KRT32: variants seen among roughly 807,000 people sequenced by gnomAD.
KRT32 encodes keratin 32, also known as keratin, type I cuticular Ha2.
A neutral mutation model predicts 41.8 loss-of-function variants in KRT32; 44 were observed. That is an observed-to-expected ratio of 1.05 (90% CI 0.83 to 1.35). The LOEUF (loss-of-function observed/expected upper bound fraction) is 1.35. KRT32 is among the 40% of genes most tolerant of loss of function. KRT32 has a pLI of 0.00. For synonymous variants in KRT32, 238 were observed against 242.5 expected (o/e 0.98, Z 0.17); for missense variants, 576 against 584.6 (o/e 0.99, Z 0.15).
At position 41,467,289 on chromosome 17, in the gene KRT32, C is replaced by T. The variant is rs756584442; in HGVS notation, c.37G>A (p.Ala13Thr). The T allele has an allele frequency of 1.9e-6, 3 of 1,612,392 alleles. No individual in the cohort carries two copies. The highest frequency in any genetic ancestry group is 1.1e-5 in the South Asian group (1 of 91,004). Reference sequence around the variant, plus strand: ...GGCCGGGGGCAGCTCTTGAGAGAGGCTTGCAAGTTGTTGGTGACACAGCAG... The same window carrying T: ...GGCCGGGGGCAGCTCTTGAGAGAGGTTTGCAAGTTGTTGGTGACACAGCAG... ...SSCCVTNNLQ[A>T]SLKSCPRPAS... is the part of the protein sequence containing the mutation. Residue 13 changes from alanine (A) to threonine (T), a missense_variant, in exon 1 of 7, where the codon GCC (alanine) becomes ACC (threonine). Coordinates refer to ENST00000225899, the MANE Select transcript of KRT32 (RefSeq NM_002278.3).
In KRT32 at chr17:41,467,013, C is replaced by T. The variant is rs746577723; in HGVS notation, c.313G>A (p.Asp105Asn). ...NEKETMQFLN[D>N]RLASYLTRVR... Reference sequence around the variant, plus strand: ...CTCGTCAGGTAGCTGGCCAGGCGGTCGTTAAGGAACTGCATGGTTTCCTTC... The same window carrying T: ...CTCGTCAGGTAGCTGGCCAGGCGGTTGTTAAGGAACTGCATGGTTTCCTTC... Residue 105 changes from aspartate (D) to asparagine (N), a missense_variant, in exon 1 of 7, where the codon GAC (aspartate) becomes AAC (asparagine). Physicochemically the swap from Asp to Asn is conservative, Grantham distance 23. Transcript: ENST00000225899. The T allele has an allele frequency of 2.5e-6, 4 of 1,614,240 alleles. No homozygotes were observed. The highest frequency in any genetic ancestry group is 3.4e-6 in the Non-Finnish European group (4 of 1,180,050).
At position 41,460,184 on chromosome 17, in the gene KRT32, A is replaced by G. The variant is rs2018986467; in HGVS notation, c.1273T>C (p.Cys425Arg). 6.2e-7 allele frequency: 1 copy of G among 1,612,690 alleles called. No homozygotes were observed. The highest frequency in any genetic ancestry group is 8.5e-7 in the Non-Finnish European group (1 of 1,179,422). ...PSCTTCVPSP[C>R]VPRTVCVPRT... The stretch of plus-strand genomic sequence containing the variant: ...GGCACACAGACGGTGCGGGGCACGC[A>G]TGGGGAGGGCACACAGGTGGTGCAG... The change falls in exon 7 of 7, where the codon TGC becomes CGC. Residue 425 changes from cysteine to arginine, a missense_variant. Cys to Arg is a radical substitution (Grantham distance 180). Transcript: ENST00000225899.
chr17:41,464,389 C>T lies in KRT32; in HGVS notation c.763G>A (p.Ala255Thr), dbSNP rs146792525. The T allele has an allele frequency of 1.1e-3, 1,820 of 1,607,636 alleles. 14 individuals carry two copies. In the African/African-American group the frequency reaches 0.021, roughly 18 times the overall value. The change falls in exon 4 of 7, where the codon GCT becomes ACT. Residue 255 changes from alanine (A) to threonine (T), a missense_variant. Coordinates refer to ENST00000225899, the MANE Select transcript of KRT32 (RefSeq NM_002278.3). ...CTGGTCAGGTCCACCGGGGGTGCAG[C>T]GTCCACCTCGATGTTAAGGCGGTCC... is the stretch of plus-strand genomic sequence containing the variant. ...LGDRLNIEVD[A>T]APPVDLTRVL...
At chr17:41,465,726 TC>T (rs2019058744) in intron 3 of KRT32, 46 bp downstream of exon 3, 4 of 1,580,886 alleles carry the variant, frequency 2.5e-6, no homozygotes, top group Admixed American at 1.7e-5. Flanking sequence ...CCCACGTTCC[TC>T]CCCCTCTGCT....
chr17:41,465,316 T>C (rs62065181), intron 3 of KRT32, among the ~76,000 whole-genome samples: 31,376 of 151,862 alleles, frequency 0.21, 3,926 homozygotes, highest in South Asian at 0.33. Context: ...CTTCTGAGAG[T>C]TGAGCCAGGC....
At chr17:41,464,028 C>T (rs1165094047) in intron 5 of KRT32, 50 bp downstream of exon 5, 1 of 1,490,244 alleles carries the variant, frequency 6.7e-7, no homozygotes, top group African/African-American at 1.4e-5. Flanking sequence ...CACCTATGCT[C>T]AGTACCGCCT....
Position 41,462,971 on chromosome 17 carries a change from G to T in KRT32, c.1076C>A (p.Thr359Asn), listed in dbSNP as rs766933747. ...SQLAQMQCMI[T>N]NVEAQLAEIR... ...CTCAGCCAGCTGGGCCTCAACGTTG[G>T]TGATCATGCACTGCATCTGGGCCAG... The change falls in exon 6 of 7, where the codon ACC (threonine) becomes AAC (asparagine). Residue 359 changes from threonine (T) to asparagine (N), a missense_variant. By Grantham distance (65) the Thr-to-Asn change is moderately conservative. Transcript: ENST00000225899. The T allele has an allele frequency of 1.2e-6, 2 of 1,613,912 alleles. No individual in the cohort carries two copies. The highest frequency in any genetic ancestry group is 1.7e-6 in the Non-Finnish European group (2 of 1,179,924).
chr17:41,464,146 A>C lies in KRT32; in HGVS notation c.928T>G (p.Ser310Ala). The C allele has an allele frequency of 6.2e-7, 1 of 1,613,214 alleles. No homozygotes were observed. Residue 310 changes from serine (S) to alanine (A), a missense_variant, in exon 5 of 7, where the codon TCA (serine) becomes GCA (alanine). By Grantham distance (99) the Ser-to-Ala change is moderately conservative. Coordinates refer to ENST00000225899, the MANE Select transcript of KRT32 (RefSeq NM_002278.3). Reference sequence around the variant, plus strand: ...GTGCGTCTCAGGTCAATGATGTCTGACTGGTAGTTCTGAAGCTGCTCAGAG... The same window carrying C: ...GTGCGTCTCAGGTCAATGATGTCTGCCTGGTAGTTCTGAAGCTGCTCAGAG... ...TSSEQLQNYQ[S>A]DIIDLRRTVN...
chr17:41,464,811 G>A lies in KRT32; in HGVS notation c.709-368C>T, dbSNP rs902751705. On this transcript the variant is annotated intron_variant, in intron 3 of 6. Coordinates refer to ENST00000225899, the MANE Select transcript of KRT32 (RefSeq NM_002278.3). ...AGGAGCCTGGCTTGACTAGTTAAAG[G>A]CCCGAGTTAGGGCAGCTGCCTCCCA... 3.3e-5 allele frequency among the ~76,000 whole-genome samples: 5 copies of A among 152,318 alleles called. No individual in the cohort carries two copies. In the East Asian group the frequency reaches 9.6e-4, roughly 29 times the overall value.
chr17:41,462,576 C>T (rs939322036), intron 6 of KRT32, among the ~76,000 whole-genome samples: 1 of 152,234 alleles, frequency 6.6e-6, no homozygotes, highest in Non-Finnish European at 1.5e-5. Flanking sequence ...CTCCATAGCA[C>T]CTGCCCCATG....
Position 41,465,907 on chromosome 17 carries a change from G to T in KRT32, c.574C>A (p.Arg192=). 1 of 1,613,768 alleles carries T rather than the reference G, an allele frequency of 6.2e-7. No homozygotes were observed. The highest frequency in any genetic ancestry group is 1.7e-4 in the Middle Eastern group (1 of 6,058). Residue 192 remains arginine (R), a synonymous_variant, in exon 3 of 7, where the codon CGG becomes AGG. Transcript: ENST00000225899. ...TTGATGTCGGCCTCCACCAGCTGCC[G>T]CATGGCCAGCTCTGCCTCGTACCTG... ...RAKYEAELAM[R]QLVEADINGL...
In KRT32 at chr17:41,465,854, G is replaced by A; in HGVS notation, c.627C>T (p.Leu209=). ...INGLRRILDD[L]TLCKADLEAQ... is the part of the protein sequence containing the mutation. ...CCTCCAGGTCAGCCTTGCACAGAGT[G>A]AGATCATCCAGGATCCTGCGCAGGC... Residue 209 remains leucine (L), a synonymous_variant, in exon 3 of 7, where the codon CTC becomes CTT. Coordinates refer to ENST00000225899, the MANE Select transcript of KRT32 (RefSeq NM_002278.3). The A allele has an allele frequency of 1.9e-6, 3 of 1,614,112 alleles. No individual in the cohort carries two copies. The highest frequency in any genetic ancestry group is 2.5e-6 in the Non-Finnish European group (3 of 1,179,994).
intron 3 of KRT32, among the ~76,000 whole-genome samples, 178 bp from the exon 4 acceptor site, chr17:41,464,621 C>A (rs182948314): frequency 6.6e-6 from 1 of 152,218 alleles, no homozygotes. Context: ...GCTGAATACC[C>A]CTGCGATGGG....
At chr17:41,460,352 G>A (rs2018990126) in intron 6 of KRT32, 113 bp from the exon 7 acceptor site, 3 of 1,332,876 alleles carry the variant, frequency 2.3e-6, no homozygotes, top group East Asian at 2.6e-5. Flanking sequence ...TGCTTTCTCT[G>A]CCCAGCCTCC....
At position 41,460,118 on chromosome 17, in the gene KRT32, G is replaced by A. The variant is rs145065295; in HGVS notation, c.1339C>T (p.Arg447Cys). The A allele has an allele frequency of 2.1e-5, 33 of 1,607,780 alleles. No individual in the cohort carries two copies. The highest frequency in any genetic ancestry group is 1.2e-4 in the African/African-American group (9 of 74,876). ...GMPCSPCPQG[R>C]Y ...ACTGGCACAAAGGGACTTCAGTAGC[G>A]GCCCTGGGGGCAGGGTGAGCAAGGC... Residue 447 changes from arginine to cysteine, a missense_variant, in exon 7 of 7, where the codon CGC becomes TGC. By Grantham distance (180) the Arg-to-Cys change is radical. Coordinates refer to ENST00000225899, the MANE Select transcript of KRT32 (RefSeq NM_002278.3).
intron 6 of KRT32, 24 bp from the exon 7 acceptor site, chr17:41,460,263 A>G: frequency 6.4e-7 from 1 of 1,567,250 alleles, no homozygotes; most frequent in Middle Eastern, 1.7e-4. Flanking sequence ...TCAAAGAGAA[A>G]CAGGATTAGT....
At chr17:41,463,946 G>A (rs2019035205) in intron 5 of KRT32, 132 bp downstream of exon 5, 1 of 928,378 alleles carries the variant, frequency 1.1e-6, no homozygotes, top group East Asian at 2.9e-5. Context: ...CCTCCCTCCG[G>A]GAAAAGTCAA....
At chr17:41,460,443 C>T (rs2018991136) in intron 6 of KRT32, among the ~76,000 whole-genome samples, 2 of 152,156 alleles carry the variant, frequency 1.3e-5, no homozygotes, top group Admixed American at 1.3e-4. Flanking sequence ...TGGGCCCCTC[C>T]TAACCACTGT....
Position 41,464,408 on chromosome 17 carries a change from G to C in KRT32, c.744C>G (p.Arg248=), listed in dbSNP as rs201967748. The change falls in exon 4 of 7, where the codon CGC becomes CGG. Residue 248 remains arginine (R), a synonymous_variant. Coordinates refer to ENST00000225899, the MANE Select transcript of KRT32 (RefSeq NM_002278.3). The stretch of plus-strand genomic sequence containing the variant: ...GTGCAGCGTCCACCTCGATGTTAAG[G>C]CGGTCCCCAAGCTGGCATCGAAGGG... The part of the protein sequence containing the change: ...VGSLRCQLGD[R]LNIEVDAAPP... 3 of 1,589,822 alleles carry C rather than the reference G, an allele frequency of 1.9e-6. No individual in the cohort carries two copies. Among genetic ancestry groups the C allele is most frequent in the African/African-American group, 1.4e-5 (1 of 73,852 alleles).
Sources: allele counts gnomAD v4.1 joint callset (sites outside exome capture counted in the v4.1 genomes callset), GRCh38; gene constraint gnomAD v4.1.1; transcripts MANE v1.5; gene names NCBI Gene and HGNC (gene_info 2026-07-23, HGNC 2026-07-21).